The following PLPPR4 variants were observed in gnomAD, a reference collection of about 807,000 sequenced individuals.
The protein encoded by PLPPR4 is phospholipid phosphatase related 4, also known as phospholipid phosphatase-related protein type 4.
Under a neutral mutation model 56.6 loss-of-function variants are expected in PLPPR4, and 24 were observed. That is an observed-to-expected ratio of 0.42 (90% confidence interval 0.31 to 0.60). The LOEUF is 0.60. Ranked by LOEUF, PLPPR4 falls within the 20% of genes least tolerant of loss-of-function variation. The pLI is 0.13. For synonymous variants in PLPPR4, 326 were observed against 328.1 expected, an observed-to-expected ratio of 0.99 and a Z score of 0.07; for missense variants, 654 against 885.8, an observed-to-expected ratio of 0.74 and a Z score of 3.32.
At chr1:99,274,183 A>T (rs570123545) in intron 1 of PLPPR4, among the ~76,000 whole-genome samples, 184 of 151,940 alleles carry the variant, frequency 1.2e-3, no homozygotes, top group Non-Finnish European at 1.1e-3. Flanking sequence ...TTTTTAAAAG[A>T]ATATAGTTTT....
intron 1 of PLPPR4, among the ~76,000 whole-genome samples, chr1:99,267,659 T>A (rs892795480): frequency 6.6e-6 from 1 of 152,158 alleles, no homozygotes; most frequent in Non-Finnish European, 1.5e-5. Context: ...TGACCTGAAA[T>A]AAATTATTTT....
intron 1 of PLPPR4, 122 bp from the exon 2 acceptor site, chr1:99,287,842 GA>G: frequency 2.8e-6 from 2 of 713,624 alleles, no homozygotes; most frequent in East Asian, 2.7e-5. Context: ...TAGAACTTAT[GA>G]ATGATTTTTA....
intron 1 of PLPPR4, among the ~76,000 whole-genome samples, chr1:99,270,475 C>G (rs142465775): frequency 3.9e-5 from 6 of 152,306 alleles, no homozygotes; most frequent in African/African-American, 1.4e-4. Flanking sequence ...GCCATCCTAC[C>G]TGGGGAAGTT....
At chr1:99,269,156 A>G (rs1658988201) in intron 1 of PLPPR4, among the ~76,000 whole-genome samples, 1 of 151,866 alleles carries the variant, frequency 6.6e-6, no homozygotes, top group Admixed American at 6.6e-5. Context: ...GCTCCCACTT[A>G]TGAGTGAGAA....
At chr1:99,288,764 A>C (rs2100799077) in intron 2 of PLPPR4, among the ~76,000 whole-genome samples, 1 of 152,306 alleles carries the variant, frequency 6.6e-6, no homozygotes, top group East Asian at 1.9e-4. Context: ...GAAGAGAATA[A>C]TTTAAATGTT....
At chr1:99,266,364 A>C (rs1658896016) in intron 1 of PLPPR4, among the ~76,000 whole-genome samples, 1 of 152,232 alleles carries the variant, frequency 6.6e-6, no homozygotes, top group Non-Finnish European at 1.5e-5. Context: ...GGCTTCAAGG[A>C]AAATGCCCTC....
intron 4 of PLPPR4, among the ~76,000 whole-genome samples, chr1:99,299,637 A>T (rs1046741381): frequency 5.9e-5 from 8 of 136,334 alleles, no homozygotes; most frequent in African/African-American, 2.6e-4. Flanking sequence ...TATGTTCCAT[A>T]AAAAAAATGT....
At chr1:99,270,183 C>T (rs1659020176) in intron 1 of PLPPR4, among the ~76,000 whole-genome samples, 2 of 151,948 alleles carry the variant, frequency 1.3e-5, no homozygotes, top group African/African-American at 4.8e-5. Flanking sequence ...CACCACCACA[C>T]CCAGCTAGTA....
At chr1:99,281,807 T>C (rs1659335227) in intron 1 of PLPPR4, among the ~76,000 whole-genome samples, 1 of 152,176 alleles carries the variant, frequency 6.6e-6, no homozygotes, top group African/African-American at 2.4e-5. Flanking sequence ...TTTGGGATAT[T>C]TATAAAGTTG....
rs1446684884 is a variant in PLPPR4 at position 99,306,586 on chromosome 1, T to C, written c.1724T>C (p.Val575Ala). 1.2e-6 allele frequency: 2 copies of C among 1,613,796 alleles called. No individual in the cohort carries two copies. Among genetic ancestry groups the C allele is most frequent in the Non-Finnish European group, 1.7e-6 (2 of 1,179,992 alleles). Residue 575 changes from valine to alanine, a missense_variant, in exon 7 of 7, where the codon GTT (valine) becomes GCT (alanine). Physicochemically the swap from Val to Ala is moderately conservative, Grantham distance 64. Around this residue, in one of 2 missense-constraint regions of PLPPR4, gnomAD observed 468 missense variants for 554.3 expected, o/e 0.84. Coordinates refer to ENST00000370185, the MANE Select transcript of PLPPR4 (RefSeq NM_014839.5). The surrounding 1 kb of genome is among the most constrained non-coding windows in gnomAD (Gnocchi z 4.0). ...CATGAGCCCAGTGGGATAGTGAGGG[T>C]TGAGGCTCACCCAGAGAACAACAGG... ...TDHEPSGIVR[V>A]EAHPENNRPI...
Position 99,296,770 on chromosome 1 carries a change from C to G in PLPPR4, c.297C>G (p.Cys99Trp). ...TAGGAGAAGGAATTCTCTACTGTTG[C>G]CTCTCCAAAAGAAGAAATGGGGTCG... Reference protein sequence around the residue: ...IMVGEGILYCCLSKRRNGVGL... With the variant: ...IMVGEGILYCWLSKRRNGVGL... Residue 99 changes from cysteine to tryptophan, a missense_variant, in exon 3 of 7, where the codon TGC (cysteine) becomes TGG (tryptophan). By Grantham distance (215) the Cys-to-Trp change is radical. Around this residue, in one of 2 missense-constraint regions of PLPPR4, gnomAD observed 186 missense variants for 331.4 expected, o/e 0.56. Coordinates refer to ENST00000370185, the MANE Select transcript of PLPPR4 (RefSeq NM_014839.5). 1 of 1,605,076 alleles carries G rather than the reference C, an allele frequency of 6.2e-7. No homozygotes were observed. Among genetic ancestry groups the G allele is most frequent in the South Asian group, 1.1e-5 (1 of 89,810 alleles).
chr1:99,287,142 G>A lies in PLPPR4; in HGVS notation c.79-823G>A, dbSNP rs761467197. Among the ~76,000 whole-genome samples, 44 of 152,188 alleles carry A rather than the reference G, an allele frequency of 2.9e-4. 1 individual carries two copies. In the Middle Eastern group the frequency reaches 0.01, roughly 35 times the overall value. On this transcript the variant is annotated intron_variant, in intron 1 of 6. Coordinates refer to ENST00000370185, the MANE Select transcript of PLPPR4 (RefSeq NM_014839.5). ...TTATGAATGAGAATATGTGTGTTTG[G>A]TTTTCTGTTCTAGTGTTAGTTTGCT...
At chr1:99,284,489 A>G (rs1378284418) in intron 1 of PLPPR4, among the ~76,000 whole-genome samples, 2 of 152,078 alleles carry the variant, frequency 1.3e-5, no homozygotes, top group East Asian at 1.9e-4. Context: ...GGGTTTCACC[A>G]TGATGGTCTG....
intron 1 of PLPPR4, among the ~76,000 whole-genome samples, chr1:99,268,047 A>G (rs1446787152): frequency 6.6e-6 from 1 of 152,232 alleles, no homozygotes; most frequent in Non-Finnish European, 1.5e-5. Context: ...AGTTAGAGGC[A>G]GGGCTGGGTA....
rs1040229757 is a variant in PLPPR4 at position 99,306,834 on chromosome 1, A to G, written c.1972A>G (p.Thr658Ala). 2 of 1,614,046 alleles carry G rather than the reference A, an allele frequency of 1.2e-6. No homozygotes were observed. The highest frequency in any genetic ancestry group is 1.7e-6 in the Non-Finnish European group (2 of 1,180,002). Reference protein sequence around the residue: ...HHHGITTIRVTPVEGSEIGSE... With the variant: ...HHHGITTIRVAPVEGSEIGSE... ...CCACGGAATTACCACCATCCGCGTC[A>G]CCCCAGTAGAGGGCAGCGAAATTGG... The change falls in exon 7 of 7, where the codon ACC becomes GCC. Residue 658 changes from threonine to alanine, a missense_variant. This residue lies in a region of PLPPR4 where 468 missense variants were observed against 554.3 expected (regional missense o/e 0.84). Transcript: ENST00000370185. This position sits in a 1 kb window ranked among gnomAD's most constrained non-coding sequence, Gnocchi z 4.0.
intron 3 of PLPPR4, 75 bp downstream of exon 3, chr1:99,296,942 TAA>T (rs1297365088): frequency 3.8e-6 from 5 of 1,304,248 alleles, no homozygotes; most frequent in Non-Finnish European, 4.1e-6. Context: ...TTATAGATAT[TAA>T]GTCTCGTACG....
At position 99,307,977 on chromosome 1, in the gene PLPPR4, A is replaced by C. The variant is rs184902424; in HGVS notation, c.*967A>C. 1.3e-5 allele frequency: 2 copies of C among 152,322 alleles called. No individual in the cohort carries two copies. Among genetic ancestry groups the C allele is most frequent in the Non-Finnish European group, 2.9e-5 (2 of 68,034 alleles). The allele number at this position is 152,322 out of a possible 1,614,324, so 9.4% of individuals were successfully genotyped here. A position where few individuals can be genotyped will look rare whatever the true frequency, so the allele number is the denominator to read the frequency against. On this transcript the variant is annotated 3_prime_UTR_variant, in exon 7 of 7. Coordinates refer to ENST00000370185, the MANE Select transcript of PLPPR4 (RefSeq NM_014839.5). ...TAACAATTGACATTCCTTGAGCAAA[A>C]TATACTGCTGTGAATTTGCAAACAA...
intron 6 of PLPPR4, among the ~76,000 whole-genome samples, chr1:99,303,984 A>G (rs1659950050): frequency 6.6e-6 from 1 of 152,216 alleles, no homozygotes; most frequent in Admixed American, 6.5e-5. Context: ...TTTATAGTGC[A>G]AAGGATTTGG....
rs1412013035 is a variant in PLPPR4, at chr1:99,301,730, T to C, written c.655T>C (p.Phe219Leu). The change falls in exon 6 of 7, where the codon TTC (phenylalanine) becomes CTC (leucine). Residue 219 changes from phenylalanine to leucine, a missense_variant. Physicochemically the swap from Phe to Leu is conservative, Grantham distance 22. Coordinates refer to ENST00000370185, the MANE Select transcript of PLPPR4 (RefSeq NM_014839.5). Reference sequence around the variant, plus strand: ...CATTTCTTCCATTTTTAAGATGTACTTCAATTCCACATTAACGGATTCCTC... The same window carrying C: ...CATTTCTTCCATTTTTAAGATGTACCTCAATTCCACATTAACGGATTCCTC... ...AFAAVYVSMYFNSTLTDSSKL... is the reference protein window; with the variant it reads ...AFAAVYVSMYLNSTLTDSSKL... 1.2e-6 allele frequency: 2 copies of C among 1,603,628 alleles called. No homozygotes were observed. Among genetic ancestry groups the C allele is most frequent in the African/African-American group, 1.3e-5 (1 of 74,616 alleles).
Sources: allele counts gnomAD v4.1 joint callset (sites outside exome capture counted in the v4.1 genomes callset), GRCh38; gene constraint gnomAD v4.1.1; regional missense constraint gnomAD v4.1.1; non-coding constraint Gnocchi (gnomAD v3.1); transcripts MANE v1.5; gene names NCBI Gene and HGNC (gene_info 2026-07-23, HGNC 2026-07-21).